ATAD2B: variants seen among roughly 807,000 people sequenced by gnomAD.
The protein encoded by ATAD2B is ATPase family AAA domain-containing protein 2B.
A neutral mutation model predicts 167.6 loss-of-function variants in ATAD2B; 40 were observed. The ratio of observed to expected loss-of-function variants is 0.24; its 90% CI spans 0.19 to 0.31. The LOEUF (loss-of-function observed/expected upper bound fraction) is 0.31, where lower values mean the gene tolerates loss of function less well. Among genes scored for constraint, ATAD2B ranks in the 10% least tolerant of loss-of-function variants. The probability of loss-of-function intolerance (pLI) is 1.00; values close to 1 mark genes in which losing one functional copy is unlikely to be tolerated. For synonymous variants in ATAD2B, 579 were observed against 596.5 expected, an observed-to-expected ratio of 0.97 and a Z score of 0.43; for missense variants, 1,242 against 1,757.2, an observed-to-expected ratio of 0.71 and a Z score of 5.24.
intron 14 of ATAD2B, among the ~76,000 whole-genome samples, chr2:23,831,038 C>T (rs59967151): frequency 1.2e-3 from 182 of 152,140 alleles, no homozygotes; most frequent in African/African-American, 4.2e-3. Flanking sequence ...TTTTGTCATA[C>T]TAAAAACAAG....
At chr2:23,866,141 C>G (rs1359961609) in intron 10 of ATAD2B, 3 of 159,236 alleles carry the variant, frequency 1.9e-5, no homozygotes, top group East Asian at 1.9e-4. Context: ...CACGGTGGCT[C>G]ACGCCTGTAA....
chr2:23,857,898 C>T (rs987300829), intron 12 of ATAD2B, among the ~76,000 whole-genome samples: 1 of 150,332 alleles, frequency 6.7e-6, no homozygotes, highest in Non-Finnish European at 1.5e-5. Flanking sequence ...CACACCACCA[C>T]GCCCGGCTAA....
intron 19 of ATAD2B, among the ~76,000 whole-genome samples, chr2:23,797,849 GTTTTGAAT>G (rs1682860872): frequency 6.6e-6 from 1 of 152,034 alleles, no homozygotes; most frequent in South Asian, 2.1e-4. Context: ...GAAGTTTCAG[GTTTTGAAT>G]TTTTGAATTA....
chr2:23,713,593 G>A, the ATAD2B span, among the ~76,000 whole-genome samples: 2 of 151,466 alleles, frequency 1.3e-5, no homozygotes, highest in African/African-American at 2.4e-5. Flanking sequence ...CCTAACCCCG[G>A]GCAACCACTA....
intron 7 of ATAD2B, among the ~76,000 whole-genome samples, chr2:23,879,656 A>G (rs1023968461): frequency 5.3e-5 from 8 of 152,156 alleles, no homozygotes; most frequent in African/African-American, 1.9e-4. Context: ...CTGCCAGCAA[A>G]AAAAGAAAAA....
At position 23,834,091 on chromosome 2, in the gene ATAD2B, T is replaced by A; in HGVS notation, c.1569-13A>T. 3.9e-6 allele frequency: 6 copies of A among 1,541,444 alleles called. No homozygotes were observed. Among genetic ancestry groups the A allele is most frequent in the Non-Finnish European group, 5.2e-6 (6 of 1,145,810 alleles). Reference sequence around the variant, plus strand: ...TGATACTATAGAGCTGTAAAATAATTTTCAGGCAAAATTAAAAGAATTGTA... The same window carrying A: ...TGATACTATAGAGCTGTAAAATAATATTCAGGCAAAATTAAAAGAATTGTA... On this transcript the variant is annotated splice_polypyrimidine_tract_variant and intron_variant, in intron 13 of 27. Coordinates refer to ENST00000238789, the MANE Select transcript of ATAD2B (RefSeq NM_017552.4).
chr2:23,836,799 G>A (rs1426128410), intron 13 of ATAD2B, among the ~76,000 whole-genome samples: 1 of 152,090 alleles, frequency 6.6e-6, no homozygotes, highest in African/African-American at 2.4e-5. Flanking sequence ...TCTGAAGTTG[G>A]TCCTCCTGAT....
the ATAD2B span, among the ~76,000 whole-genome samples, chr2:23,733,891 T>C: frequency 6.6e-6 from 1 of 152,188 alleles, no homozygotes; most frequent in African/African-American, 2.4e-5. Context: ...TGCTACTTTC[T>C]TCCTTACTTT....
intron 1 of ATAD2B, among the ~76,000 whole-genome samples, chr2:23,907,408 C>A (rs1339083223): frequency 1.3e-5 from 2 of 151,940 alleles, no homozygotes; most frequent in Non-Finnish European, 1.5e-5. Context: ...ATCCAACTTA[C>A]GAGGGATGTG....
At chr2:23,858,553 A>G (rs2149989551) in intron 12 of ATAD2B, among the ~76,000 whole-genome samples, 1 of 144,832 alleles carries the variant, frequency 6.9e-6, no homozygotes. Context: ...GTGCAGTGGC[A>G]TGATCACAGC....
intron 3 of ATAD2B, 91 bp from the exon 4 acceptor site, chr2:23,888,076 A>G: frequency 8.9e-7 from 1 of 1,123,396 alleles, no homozygotes; most frequent in Admixed American, 3.9e-5. Flanking sequence ...TTAAAAGACT[A>G]CAAAAAATTT....
intron 23 of ATAD2B, among the ~76,000 whole-genome samples, chr2:23,763,965 C>T (rs2432683): frequency 0.043 from 6,478 of 152,198 alleles, 132 homozygotes; most frequent in African/African-American, 0.047. Context: ...AAGTAGTATG[C>T]GCTTGTATGG....
the ATAD2B span, among the ~76,000 whole-genome samples, chr2:23,738,109 A>G: frequency 1.3e-5 from 2 of 152,272 alleles, no homozygotes; most frequent in Non-Finnish European, 2.9e-5. Flanking sequence ...AATGGAACCA[A>G]GTTGGAAAAC....
At chr2:23,702,173 G>C in the ATAD2B span, among the ~76,000 whole-genome samples, 1 of 151,980 alleles carries the variant, frequency 6.6e-6, no homozygotes, top group East Asian at 1.9e-4. Context: ...CATACTATGG[G>C]AGCACCTTGA....
chr2:23,901,911 T>C (rs1160303661), intron 1 of ATAD2B, among the ~76,000 whole-genome samples: 1 of 152,158 alleles, frequency 6.6e-6, no homozygotes, highest in Non-Finnish European at 1.5e-5. Context: ...TAGTAAAATA[T>C]TTGAATTTTT....
chr2:23,923,811 T>C (rs1267494888), intron 1 of ATAD2B, among the ~76,000 whole-genome samples: 1 of 152,102 alleles, frequency 6.6e-6, no homozygotes, highest in Non-Finnish European at 1.5e-5. Flanking sequence ...GCAAATAAAA[T>C]GTCTCTGGAC....
At chr2:23,786,789 T>C (rs187339398) in intron 20 of ATAD2B, among the ~76,000 whole-genome samples, 6 of 152,244 alleles carry the variant, frequency 3.9e-5, no homozygotes, top group Non-Finnish European at 8.8e-5. Context: ...TGAAATATTA[T>C]TTATATATAA....
At chr2:23,816,846 T>G (rs1173031607) in intron 17 of ATAD2B, among the ~76,000 whole-genome samples, 1 of 152,194 alleles carries the variant, frequency 6.6e-6, no homozygotes, top group Admixed American at 6.5e-5. Context: ...CTCTACCAGA[T>G]TGGTAAACCT....
the ATAD2B span, among the ~76,000 whole-genome samples, chr2:23,699,071 A>T: frequency 6.6e-6 from 1 of 152,236 alleles, no homozygotes; most frequent in African/African-American, 2.4e-5. Flanking sequence ...TCTGGGGCTT[A>T]ATTGAATCTG....
Sources: gnomAD v4.1 joint callset for allele counts (sites outside exome capture counted in the v4.1 genomes callset) on GRCh38, gnomAD v4.1.1 for gene constraint, MANE v1.5 for transcripts, NCBI Gene and HGNC (gene_info 2026-07-23, HGNC 2026-07-21) for gene names.